The following SLC13A3 variants were observed in gnomAD, a reference collection of about 807,000 sequenced individuals.
SLC13A3 encodes solute carrier family 13 member 3, also known as Na(+)/dicarboxylate cotransporter 3.
In SLC13A3, 40 loss-of-function variants were observed where a neutral mutation model predicts 59.0. The ratio of observed to expected loss-of-function variants is 0.68; its 90% CI spans 0.53 to 0.88. The LOEUF (loss-of-function observed/expected upper bound fraction) is 0.88. SLC13A3 is among the 40% of genes least tolerant of loss of function. The pLI is 0.00. For missense variants in SLC13A3, 699 were observed against 783.2 expected (o/e 0.89, Z 1.28); for synonymous variants, 317 against 330.3 (o/e 0.96, Z 0.44).
chr20:46,682,720 T>TCAC (rs2063159366), intron 1 of SLC13A3, among the ~76,000 whole-genome samples: 1 of 152,214 alleles, frequency 6.6e-6, no homozygotes, highest in Non-Finnish European at 1.5e-5. Context: ...CCCAGCTCTG[T>TCAC]CACTTATTGT....
At chr20:46,622,812 C>T (rs1409763385) in intron 1 of SLC13A3, among the ~76,000 whole-genome samples, 1 of 152,072 alleles carries the variant, frequency 6.6e-6, no homozygotes, top group Non-Finnish European at 1.5e-5. Flanking sequence ...CAAAGGGATA[C>T]AAAGGGATAG....
chr20:46,677,622 T>A (rs925935910), intron 1 of SLC13A3, among the ~76,000 whole-genome samples: 8 of 152,142 alleles, frequency 5.3e-5, no homozygotes, highest in African/African-American at 1.9e-4. Flanking sequence ...TTGGGACCTG[T>A]TGAGTTTTGG....
chr20:46,643,845 A>G (rs756992649), intron 1 of SLC13A3, among the ~76,000 whole-genome samples: 2 of 151,948 alleles, frequency 1.3e-5, no homozygotes, highest in African/African-American at 2.4e-5. Context: ...GGAGTTTGAG[A>G]CCAGTTGAGT....
chr20:46,647,192 T>C (rs1187599268), intron 1 of SLC13A3, among the ~76,000 whole-genome samples: 8 of 152,196 alleles, frequency 5.3e-5, no homozygotes, highest in Non-Finnish European at 1.0e-4. Flanking sequence ...CCTTGTGCAG[T>C]GCACAGCTTG....
chr20:46,599,151 T>C (rs1174472765), intron 4 of SLC13A3, among the ~76,000 whole-genome samples: 1 of 152,230 alleles, frequency 6.6e-6, no homozygotes, highest in African/African-American at 2.4e-5. Flanking sequence ...TTCTTGCCAC[T>C]AGAATGTAAG....
chr20:46,568,584 G>GT (rs1294027749), intron 10 of SLC13A3, among the ~76,000 whole-genome samples: 1 of 152,256 alleles, frequency 6.6e-6, no homozygotes, highest in African/African-American at 2.4e-5. Context: ...TACACCTGCA[G>GT]TTTGTCTGCT....
chr20:46,659,723 C>G (rs117565381), intron 1 of SLC13A3, among the ~76,000 whole-genome samples: 3 of 120,996 alleles, frequency 2.5e-5, no homozygotes, highest in Admixed American at 8.3e-5. Context: ...CCCCCCCCCC[C>G]AAAAAAAAAA....
At chr20:46,655,969 A>ATATG (rs996187061), upstream of SLC13A3, among the ~76,000 whole-genome samples, 2 of 142,396 alleles carry the variant, frequency 1.4e-5, no homozygotes, top group African/African-American at 5.2e-5. Flanking sequence ...ATATATGTAT[A>ATATG]TATGTATGTA....
intron 1 of SLC13A3, among the ~76,000 whole-genome samples, chr20:46,624,798 A>ATG (rs1373303747): frequency 6.6e-6 from 1 of 152,182 alleles, no homozygotes; most frequent in Non-Finnish European, 1.5e-5. Context: ...TAAAGACCAG[A>ATG]TGTGGTTCTG....
upstream of SLC13A3, among the ~76,000 whole-genome samples, chr20:46,673,376 G>A (rs2063103700): frequency 6.6e-6 from 1 of 152,156 alleles, no homozygotes. Context: ...TTACATGAAC[G>A]ATCAGGTCCT....
At chr20:46,563,840 A>G (rs1223920650) in intron 11 of SLC13A3, among the ~76,000 whole-genome samples, 2 of 152,166 alleles carry the variant, frequency 1.3e-5, no homozygotes, top group Non-Finnish European at 2.9e-5. Flanking sequence ...GGTGGAGAGA[A>G]CATTCCCAGG....
At chr20:46,600,172 C>G (rs912061524) in intron 3 of SLC13A3, 135 bp from the exon 4 acceptor site, 1 of 225,150 alleles carries the variant, frequency 4.4e-6, no homozygotes, top group Admixed American at 6.6e-5. Flanking sequence ...AAGACAAAGA[C>G]AGAGAGAGAG....
In SLC13A3 at chr20:46,590,935, G is replaced by T. The variant is rs188317779; in HGVS notation, c.920+1469C>A. 4.5e-4 allele frequency among the ~76,000 whole-genome samples: 69 copies of T among 151,944 alleles called. 1 individual carries two copies. Among genetic ancestry groups the T allele is most frequent in the African/African-American group, 1.4e-3 (59 of 41,456 alleles). The stretch of plus-strand genomic sequence containing the variant: ...AATCCCAGCTGTTTGGGGGGCCGAG[G>T]TGGGTGGATCACTTGAGGTTTGAGA... On this transcript the variant is annotated intron_variant, in intron 6 of 12. Coordinates refer to ENST00000279027, the MANE Select transcript of SLC13A3 (RefSeq NM_022829.6).
At chr20:46,616,663 C>T (rs961487631) in intron 1 of SLC13A3, among the ~76,000 whole-genome samples, 2 of 152,186 alleles carry the variant, frequency 1.3e-5, no homozygotes, top group Non-Finnish European at 2.9e-5. Context: ...CCCAGGTATA[C>T]AGCACAGCAA....
chr20:46,599,468 T>C (rs946784337), intron 4 of SLC13A3, among the ~76,000 whole-genome samples: 5 of 152,228 alleles, frequency 3.3e-5, no homozygotes, highest in African/African-American at 9.6e-5. Flanking sequence ...AGTCAGGTGT[T>C]TGTGACTCCA....
chr20:46,602,567 C>T (rs2062389909), intron 3 of SLC13A3, among the ~76,000 whole-genome samples: 1 of 152,030 alleles, frequency 6.6e-6, no homozygotes, highest in Admixed American at 6.6e-5. Context: ...TACAATGTGA[C>T]TTTAGGTCAG....
chr20:46,683,605 T>C (rs6012007), intron 1 of SLC13A3, among the ~76,000 whole-genome samples: 26,843 of 152,178 alleles, frequency 0.18, 4,862 homozygotes, highest in African/African-American at 0.46. Context: ...TGCATTTCAC[T>C]GCAGATCCAG....
chr20:46,599,474 C>T (rs2062350831), intron 4 of SLC13A3, among the ~76,000 whole-genome samples: 1 of 152,238 alleles, frequency 6.6e-6, no homozygotes, highest in Non-Finnish European at 1.5e-5. Context: ...GTGTTTGTGA[C>T]TCCAAATCCC....
At chr20:46,649,879 T>C (rs1173914519) in intron 1 of SLC13A3, among the ~76,000 whole-genome samples, 1 of 152,208 alleles carries the variant, frequency 6.6e-6, no homozygotes, top group Non-Finnish European at 1.5e-5. Context: ...TGGGTCTCCT[T>C]GGAACCACTG....
Sources: gnomAD v4.1 joint callset for allele counts (sites outside exome capture counted in the v4.1 genomes callset) on GRCh38, gnomAD v4.1.1 for gene constraint, MANE v1.5 for transcripts, NCBI Gene and HGNC (gene_info 2026-07-23, HGNC 2026-07-21) for gene names.